The following KLHL7 variants were observed in gnomAD, a reference collection of about 807,000 sequenced individuals.
KLHL7 encodes the protein kelch-like protein 7.
Under a neutral mutation model 67.4 loss-of-function variants are expected in KLHL7, and 44 were observed. The ratio of observed to expected loss-of-function variants is 0.65; its 90% CI spans 0.51 to 0.84. KLHL7 has a LOEUF of 0.84. Among genes scored for constraint, KLHL7 ranks in the 40% least tolerant of loss-of-function variants. The pLI is 0.00. For missense variants in KLHL7, 362 were observed against 718.1 expected, an observed-to-expected ratio of 0.50 and a Z score of 5.67; for synonymous variants, 252 against 243.3, an observed-to-expected ratio of 1.04 and a Z score of -0.33.
chr7:23,163,064 T>C (rs745528723), intron 7 of KLHL7, among the ~76,000 whole-genome samples: 13 of 152,240 alleles, frequency 8.5e-5, no homozygotes, highest in Non-Finnish European at 1.8e-4. Context: ...GAATACATTA[T>C]ATAAAATCAG....
Position 23,163,396 on chromosome 7 carries a change from T to C in KLHL7, c.937-2302T>C, listed in dbSNP as rs150991262. Among the ~76,000 whole-genome samples the C allele has an allele frequency of 4.6e-4, 70 of 152,290 alleles. 1 individual carries two copies. Among genetic ancestry groups the C allele is most frequent in the African/African-American group, 1.7e-3 (69 of 41,556 alleles). On this transcript the variant is annotated intron_variant, in intron 7 of 10. Transcript: ENST00000339077. The stretch of plus-strand genomic sequence containing the variant: ...CATGTTGGCCAGGCTGGTCTTGAAC[T>C]CCTGACCTCAGGTGATCTGCCTGCC...
chr7:23,154,966 A>C (rs1201505462), intron 7 of KLHL7, among the ~76,000 whole-genome samples: 1 of 152,144 alleles, frequency 6.6e-6, no homozygotes, highest in Non-Finnish European at 1.5e-5. Context: ...TTACCATAAC[A>C]CTTAACACCA....
chr7:23,118,079 A>G, intron 1 of KLHL7: 1 of 1,312,746 alleles, frequency 7.6e-7, no homozygotes, highest in South Asian at 1.2e-5. Flanking sequence ...ATCCTCATAC[A>G]GTGCTTTAGC....
In KLHL7 at chr7:23,120,104, G is replaced by T. The variant is rs1783271538; in HGVS notation, c.121-3673G>T. Among the ~76,000 whole-genome samples, 3 of 152,080 alleles carry T rather than the reference G, an allele frequency of 2.0e-5. No homozygotes were observed. The South Asian group carries it at 6.2e-4, about 32-fold the overall frequency. On this transcript the variant is annotated intron_variant, in intron 1 of 10. Coordinates refer to ENST00000339077, the MANE Select transcript of KLHL7 (RefSeq NM_001031710.3). Reference sequence around the variant, plus strand: ...GGCTCACTGCAACCTTTTGCCCCCGGGCTCAAGCGATCCTCCCACCTCAGC... The same window carrying T: ...GGCTCACTGCAACCTTTTGCCCCCGTGCTCAAGCGATCCTCCCACCTCAGC...
chr7:23,110,708 G>C (rs1782832646), intron 1 of KLHL7, among the ~76,000 whole-genome samples: 1 of 150,324 alleles, frequency 6.7e-6, no homozygotes, highest in African/African-American at 2.4e-5. Flanking sequence ...TTGGTGTGCT[G>C]CACCCATTAA....
chr7:23,122,758 A>T (rs1306869191), intron 1 of KLHL7, among the ~76,000 whole-genome samples: 4 of 152,226 alleles, frequency 2.6e-5, no homozygotes, highest in Non-Finnish European at 4.4e-5. Flanking sequence ...TATCTATCAG[A>T]AACTATATTA....
At chr7:23,172,522 AAAT>A (rs1443928784) in intron 9 of KLHL7, among the ~76,000 whole-genome samples, 3 of 152,248 alleles carry the variant, frequency 2.0e-5, no homozygotes, top group African/African-American at 7.2e-5. Context: ...ACGCATATAT[AAAT>A]AATAATTAAA....
chr7:23,132,533 T>C (rs1030731999), intron 4 of KLHL7, among the ~76,000 whole-genome samples: 2 of 152,242 alleles, frequency 1.3e-5, no homozygotes, highest in Non-Finnish European at 2.9e-5. Context: ...CCGTATATAT[T>C]CTGGTTATTA....
chr7:23,158,363 A>T (rs1784766831), intron 7 of KLHL7, among the ~76,000 whole-genome samples: 1 of 152,140 alleles, frequency 6.6e-6, no homozygotes, highest in African/African-American at 2.4e-5. Context: ...AGCTGAGGTT[A>T]ACAGGGAATT....
Position 23,140,926 on chromosome 7 carries a change from T to C in KLHL7, c.600T>C (p.Thr200=), listed in dbSNP as rs1347382768. The change falls in exon 5 of 11, where the codon ACT becomes ACC. Residue 200 remains threonine (T), a synonymous_variant. Coordinates refer to ENST00000339077, the MANE Select transcript of KLHL7 (RefSeq NM_001031710.3). ...ATCTTCTCAACCAGGACACTCTGACTGTGAGAGCAGAGGATCAGGTGACTA... is the reference window on the plus strand; with the variant it reads ...ATCTTCTCAACCAGGACACTCTGACCGTGAGAGCAGAGGATCAGGTGACTA... The part of the protein sequence containing the change: ...VTHLLNQDTL[T]VRAEDQVYDA... 6.2e-7 allele frequency: 1 copy of C among 1,613,788 alleles called. No individual in the cohort carries two copies. The highest frequency in any genetic ancestry group is 1.3e-5 in the African/African-American group (1 of 74,948).
At chr7:23,131,134 G>A (rs538464962) in intron 4 of KLHL7, among the ~76,000 whole-genome samples, 1 of 152,284 alleles carries the variant, frequency 6.6e-6, no homozygotes, top group South Asian at 2.1e-4. Flanking sequence ...GGGCAACAAG[G>A]ATGCATGCTT....
At chr7:23,166,664 A>G (rs901271344) in intron 8 of KLHL7, among the ~76,000 whole-genome samples, 3 of 152,200 alleles carry the variant, frequency 2.0e-5, no homozygotes, top group Admixed American at 6.5e-5. Context: ...CTATATGTCA[A>G]ATGAATACAA....
intron 1 of KLHL7, among the ~76,000 whole-genome samples, chr7:23,108,039 A>C (rs1387278359): frequency 6.6e-6 from 1 of 152,196 alleles, no homozygotes; most frequent in African/African-American, 2.4e-5. Context: ...GTGAGGACCA[A>C]CTTTATAAGT....
At position 23,172,147 on chromosome 7, in the gene KLHL7, G is replaced by A. The variant is rs373577380; in HGVS notation, c.1380-801G>A. 2.5e-4 allele frequency: 112 copies of A among 456,470 alleles called. 1 individual carries two copies. The East Asian group carries it at 5.7e-3, about 23-fold the overall frequency. 28.3% of individuals were successfully genotyped at this position (456,470 alleles called of 1,614,324 possible). On this transcript the variant is annotated intron_variant, in intron 9 of 10. Transcript: ENST00000339077. Reference sequence around the variant, plus strand: ...AGTTAGCTGCTGAAAGCACAAGCCTGTGTGCCAGTACCACCTTCACAATCA... The same window carrying A: ...AGTTAGCTGCTGAAAGCACAAGCCTATGTGCCAGTACCACCTTCACAATCA...
chr7:23,168,532 A>G (rs983718693), intron 9 of KLHL7, among the ~76,000 whole-genome samples: 11 of 152,240 alleles, frequency 7.2e-5, no homozygotes, highest in Admixed American at 2.0e-4. Context: ...GCTTTTAAAA[A>G]GGCAAAGTGT....
intron 8 of KLHL7, 127 bp from the exon 9 acceptor site, chr7:23,167,705 GTTGA>G: frequency 1.3e-6 from 1 of 745,050 alleles, no homozygotes; most frequent in Non-Finnish European, 2.3e-6. Context: ...CTTTGTTGTT[GTTGA>G]TTGAGTATGA....
chr7:23,129,349 A>G, intron 4 of KLHL7: 1 of 360,976 alleles, frequency 2.8e-6, no homozygotes, highest in Non-Finnish European at 5.5e-6. Flanking sequence ...ATGTTAGCCA[A>G]GGCTTTTCTT....
intron 4 of KLHL7, among the ~76,000 whole-genome samples, chr7:23,135,947 C>G (rs868212507): frequency 1.3e-5 from 2 of 152,152 alleles, no homozygotes; most frequent in South Asian, 4.1e-4. Context: ...AATCTGTGGC[C>G]GTGTGACTTG....
At chr7:23,125,999 G>A (rs922394686) in intron 4 of KLHL7, 63 of 729,462 alleles carry the variant, frequency 8.6e-5, no homozygotes, top group Non-Finnish European at 1.5e-4. Context: ...TTCTAAATTA[G>A]ACAGTAAAAG....
Sources: gnomAD v4.1 joint callset for allele counts (sites outside exome capture counted in the v4.1 genomes callset) on GRCh38, gnomAD v4.1.1 for gene constraint, MANE v1.5 for transcripts, NCBI Gene and HGNC (gene_info 2026-07-23, HGNC 2026-07-21) for gene names.